The following UBN1 variants were observed in gnomAD, a reference collection of about 807,000 sequenced individuals.
UBN1 encodes ubinuclein-1.
A neutral mutation model predicts 108.5 loss-of-function variants in UBN1; 17 were observed. The observed-to-expected ratio is 0.16, with a 90% CI of 0.11 to 0.24. The LOEUF (loss-of-function observed/expected upper bound fraction) is 0.24, where lower values mean the gene tolerates loss of function less well. Ranked by LOEUF, UBN1 falls within the 10% of genes least tolerant of loss-of-function variation. The pLI is 1.00. For synonymous variants in UBN1, 726 were observed against 564.2 expected (o/e 1.29, Z -4.07); for missense variants, 1,595 against 1,394.4 (o/e 1.14, Z -2.29).
At chr16:4,863,824 C>G (rs923981440) in intron 7 of UBN1, among the ~76,000 whole-genome samples, 20 of 152,294 alleles carry the variant, frequency 1.3e-4, no homozygotes, top group Admixed American at 9.8e-4. Flanking sequence ...CTTTCCTGGC[C>G]TTTCATCCTG....
rs2087786203 is a variant in UBN1 at position 4,874,437 on chromosome 16, T to C, written c.2027T>C (p.Val676Ala). 3 of 1,614,066 alleles carry C rather than the reference T, an allele frequency of 1.9e-6. No individual in the cohort carries two copies. Among genetic ancestry groups the C allele is most frequent in the Non-Finnish European group, 2.5e-6 (3 of 1,180,004 alleles). Residue 676 changes from valine to alanine, a missense_variant, in exon 15 of 18, where the codon GTG becomes GCG. Val to Ala is a moderately conservative substitution (Grantham distance 64). Transcript: ENST00000262376. ...AATCCAGCCTCCTCGGTGGAAGCCG[T>C]GTCCAAGGAATTGGCTGCATTGAAT... ...IRNPASSVEA[V>A]SKELAALNSR... is the part of the protein sequence containing the mutation.
intron 8 of UBN1, among the ~76,000 whole-genome samples, 173 bp downstream of exon 8, chr16:4,869,076 A>G (rs975638529): frequency 2.6e-5 from 4 of 152,230 alleles, no homozygotes; most frequent in African/African-American, 9.6e-5. Flanking sequence ...TTTAAAAATC[A>G]AAACACAACA....
At chr16:4,874,099 T>C (rs2087765095) in intron 14 of UBN1, 112 bp from the exon 15 acceptor site, 4 of 1,356,542 alleles carry the variant, frequency 2.9e-6, no homozygotes, top group Non-Finnish European at 4.0e-6. Flanking sequence ...CTTGTAATTA[T>C]ACAGGAAGGC....
chr16:4,854,555 C>T (rs1053917103), intron 2 of UBN1, among the ~76,000 whole-genome samples: 1 of 138,938 alleles, frequency 7.2e-6, no homozygotes, highest in African/African-American at 2.7e-5. Flanking sequence ...TGGGGTTTTA[C>T]CATTTTAACC....
chr16:4,857,154 C>A (rs1036782222), intron 2 of UBN1, among the ~76,000 whole-genome samples: 1 of 151,168 alleles, frequency 6.6e-6, no homozygotes, highest in African/African-American at 2.4e-5. Flanking sequence ...CCAGCCTGGG[C>A]AACATGATGA....
At chr16:4,870,118 T>C in intron 8 of UBN1, 94 bp from the exon 9 acceptor site, 1 of 1,569,162 alleles carries the variant, frequency 6.4e-7, no homozygotes, top group Admixed American at 1.8e-5. Flanking sequence ...TTGACTGCCG[T>C]TGGCTCCTAG....
intron 7 of UBN1, among the ~76,000 whole-genome samples, chr16:4,862,632 G>A (rs185368159): frequency 3.2e-4 from 48 of 152,306 alleles, no homozygotes; most frequent in Admixed American, 2.3e-3. Context: ...TCTATGTGAC[G>A]ATAGATGGTC....
Position 4,872,946 on chromosome 16 carries a change from G to C in UBN1, c.1757+12G>C, listed in dbSNP as rs771389094. Reference sequence around the variant, plus strand: ...CTGACTTCAATCCTGTGAGTGTCTTGGTATTTTCACATCTCGGGACAAGTG... The same window carrying C: ...CTGACTTCAATCCTGTGAGTGTCTTCGTATTTTCACATCTCGGGACAAGTG... On this transcript the variant is annotated intron_variant, in intron 13 of 17. Coordinates refer to ENST00000262376, the MANE Select transcript of UBN1 (RefSeq NM_001079514.3). The C allele has an allele frequency of 1.2e-6, 2 of 1,614,154 alleles. No individual in the cohort carries two copies. The highest frequency in any genetic ancestry group is 1.1e-5 in the South Asian group (1 of 91,080).
chr16:4,860,451 A>G (rs902726912), intron 6 of UBN1, among the ~76,000 whole-genome samples: 5 of 152,194 alleles, frequency 3.3e-5, no homozygotes, highest in Non-Finnish European at 7.3e-5. Context: ...AATTTAGCAT[A>G]TGTGACACTG....
At position 4,875,222 on chromosome 16, in the gene UBN1, C is replaced by G. The variant is rs749337527; in HGVS notation, c.2812C>G (p.Gln938Glu). Residue 938 changes from glutamine to glutamate, a missense_variant, in exon 15 of 18, where the codon CAG becomes GAG. Gln to Glu is a conservative substitution (Grantham distance 29). Transcript: ENST00000262376. ...SVSGSLVPGI[Q>E]PPSVGQATSR... The stretch of plus-strand genomic sequence containing the variant: ...TTCTGGGAGCCTGGTCCCTGGCATA[C>G]AGCCTCCCTCCGTGGGACAGGCCAC... 6 of 1,614,120 alleles carry G rather than the reference C, an allele frequency of 3.7e-6. No individual in the cohort carries two copies. The Admixed American group carries it at 6.7e-5, about 18-fold the overall frequency.
At chr16:4,851,066 C>T (rs957509618) in intron 1 of UBN1, among the ~76,000 whole-genome samples, 1 of 152,128 alleles carries the variant, frequency 6.6e-6, no homozygotes, top group Admixed American at 6.5e-5. Flanking sequence ...TGTTGCTTTG[C>T]AATATATGCC....
intron 4 of UBN1, 80 bp downstream of exon 4, chr16:4,858,743 G>C: frequency 7.1e-7 from 1 of 1,412,356 alleles, no homozygotes; most frequent in Non-Finnish European, 1.0e-6. Context: ...GCTGGGGGTG[G>C]GGTCAGAGCA....
chr16:4,873,869 G>A (rs1286239799), intron 14 of UBN1, among the ~76,000 whole-genome samples: 6 of 152,224 alleles, frequency 3.9e-5, no homozygotes, highest in African/African-American at 1.4e-4. Flanking sequence ...CTAGGAGTGC[G>A]CTGAGACAGT....
rs1308376861 is a variant in UBN1, at chr16:4,880,379, G to A, written c.*247G>A. 2.0e-6 allele frequency: 1 copy of A among 509,152 alleles called. No individual in the cohort carries two copies. Among genetic ancestry groups the A allele is most frequent in the Non-Finnish European group, 3.6e-6 (1 of 279,228 alleles). 31.5% of individuals were successfully genotyped at this position (509,152 alleles called of 1,614,324 possible). ...CAGCTCTGTCGCTAGACGGTTGTTA[G>A]AGGGGCAGCTCTAGGCTGGGGCTTG... On this transcript the variant is annotated 3_prime_UTR_variant, in exon 18 of 18. Transcript: ENST00000262376.
intron 1 of UBN1, among the ~76,000 whole-genome samples, chr16:4,850,084 C>G (rs1418737111): frequency 1.3e-5 from 2 of 151,524 alleles, no homozygotes; most frequent in Non-Finnish European, 2.9e-5. Flanking sequence ...TTTTCTTAAG[C>G]ATTTTGAATT....
intron 17 of UBN1, among the ~76,000 whole-genome samples, chr16:4,878,357 G>A (rs556871835): frequency 8.5e-5 from 13 of 152,264 alleles, no homozygotes; most frequent in South Asian, 8.3e-4. Flanking sequence ...GAAGCCAGCC[G>A]AGGTAACCCT....
At chr16:4,851,014 T>G (rs1013310120) in intron 1 of UBN1, among the ~76,000 whole-genome samples, 2 of 152,244 alleles carry the variant, frequency 1.3e-5, no homozygotes, top group African/African-American at 2.4e-5. Flanking sequence ...ACCGTATTAA[T>G]ATGACACATG....
chr16:4,869,604 C>T (rs554887121), intron 8 of UBN1, among the ~76,000 whole-genome samples: 29 of 152,330 alleles, frequency 1.9e-4, no homozygotes, highest in East Asian at 3.9e-4. Context: ...CACATGGCCT[C>T]GCCTGGCCGG....
At position 4,858,590 on chromosome 16, in the gene UBN1, A is replaced by T. The variant is rs773833886; in HGVS notation, c.359A>T (p.Asp120Val). The change falls in exon 4 of 18, where the codon GAC becomes GTC. Residue 120 changes from aspartate to valine, a missense_variant. This residue lies in a region of UBN1 where 181 missense variants were observed against 157.3 expected (regional missense o/e 1.15). Coordinates refer to ENST00000262376, the MANE Select transcript of UBN1 (RefSeq NM_001079514.3). ...EKYGGKKRRK[D>V]RIQDLIDMGY... ...TAGGGTGGAAAGAAACGTAGAAAAG[A>T]CCGAATACAGGACTTGATCGATATG... The T allele has an allele frequency of 6.2e-7, 1 of 1,614,082 alleles. No homozygotes were observed. Among genetic ancestry groups the T allele is most frequent in the Non-Finnish European group, 8.5e-7 (1 of 1,180,024 alleles).
Sources: gnomAD v4.1 joint callset for allele counts (sites outside exome capture counted in the v4.1 genomes callset) on GRCh38, gnomAD v4.1.1 for gene constraint, gnomAD v4.1.1 regional missense constraint, MANE v1.5 for transcripts, NCBI Gene and HGNC (gene_info 2026-07-23, HGNC 2026-07-21) for gene names.